The following REXO5 variants were observed in gnomAD, a reference collection of about 807,000 sequenced individuals.
The protein encoded by REXO5 is exonuclease NEF-sp.
A neutral mutation model predicts 88.5 loss-of-function variants in REXO5; 48 were observed. That is an observed-to-expected ratio of 0.54 (90% CI 0.43 to 0.69). The LOEUF (loss-of-function observed/expected upper bound fraction) is 0.69. Among genes scored for constraint, REXO5 ranks in the 30% least tolerant of loss-of-function variants. The probability of loss-of-function intolerance (pLI) is 0.00; values close to 1 mark genes in which losing one functional copy is unlikely to be tolerated. For missense variants in REXO5, 749 were observed against 912.2 expected (o/e 0.82, Z 2.30); for synonymous variants, 311 against 336.5 (o/e 0.92, Z 0.83).
At chr16:20,836,058 G>C (rs933175701) in intron 13 of REXO5, among the ~76,000 whole-genome samples, 2 of 151,974 alleles carry the variant, frequency 1.3e-5, no homozygotes, top group African/African-American at 4.8e-5. Context: ...AAAGTACAGA[G>C]AGTTCCCATT....
intron 5 of REXO5, among the ~76,000 whole-genome samples, chr16:20,819,295 C>T (rs924085100): frequency 6.6e-6 from 1 of 151,964 alleles, no homozygotes; most frequent in Non-Finnish European, 1.5e-5. Flanking sequence ...TATTTCTGCC[C>T]CTAGCAGATG....
Position 20,833,120 on chromosome 16 carries a change from A to C in REXO5, c.1380A>C (p.Lys460Asn). ...AAACTATTAAGTGTCTTTCAAATAA[A>C]GAGGTGAGTGGCCTGCTGAACCTTT... ...NCQTIKCLSN[K>N]EVLEQARVEI... Residue 460 changes from lysine to asparagine, a missense_variant, in exon 13 of 20, where the codon AAA becomes AAC. Physicochemically the swap from Lys to Asn is moderately conservative, Grantham distance 94. Transcript: ENST00000261377. The C allele has an allele frequency of 6.2e-7, 1 of 1,613,144 alleles. No homozygotes were observed. The highest frequency in any genetic ancestry group is 8.5e-7 in the Non-Finnish European group (1 of 1,179,282).
intron 6 of REXO5, 113 bp from the exon 7 acceptor site, chr16:20,824,326 T>C (rs2081229215): frequency 4.8e-6 from 3 of 619,056 alleles, no homozygotes; most frequent in South Asian, 2.0e-5. Context: ...GTGTCTAACA[T>C]ACCAACATAT....
Position 20,844,165 on chromosome 16 carries a change from T to C in REXO5, c.1719+139T>C, listed in dbSNP as rs567539278. The C allele has an allele frequency of 9.8e-6, 6 of 609,362 alleles. No homozygotes were observed. In the South Asian group the frequency reaches 1.2e-4, roughly 12 times the overall value. The allele number at this position is 609,362 out of a possible 1,614,324, so 37.7% of individuals were successfully genotyped here. On this transcript the variant is annotated intron_variant, in intron 16 of 19. Coordinates refer to ENST00000261377, the MANE Select transcript of REXO5 (RefSeq NM_030941.3). ...GTTATGGAAAGTCTTCAGCCAAGTC[T>C]AACATTCTCCTACTGGCAGTGATTG... is the stretch of plus-strand genomic sequence containing the variant.
chr16:20,829,563 T>C (rs1301637291), intron 11 of REXO5, among the ~76,000 whole-genome samples: 1 of 152,158 alleles, frequency 6.6e-6, no homozygotes, highest in Non-Finnish European at 1.5e-5. Flanking sequence ...GCCAGAATAG[T>C]CTTTTGTGTC....
chr16:20,813,266 A>G lies in REXO5; in HGVS notation c.215A>G (p.Tyr72Cys), dbSNP rs1165623793. The change falls in exon 3 of 20, where the codon TAT becomes TGT. Residue 72 changes from tyrosine to cysteine, a missense_variant. Coordinates refer to ENST00000261377, the MANE Select transcript of REXO5 (RefSeq NM_030941.3). ...GACCAGCTGTGTGAATTGCTGAAGT[A>G]TGCAGTTCTGGGCAAATCCAATGTT... ...THDQLCELLK[Y>C]AVLGKSNVPK... 2.5e-6 allele frequency: 4 copies of G among 1,611,902 alleles called. No homozygotes were observed. The highest frequency in any genetic ancestry group is 3.4e-6 in the Non-Finnish European group (4 of 1,178,916).
In REXO5 at chr16:20,816,171, AAACTG is replaced by A; in HGVS notation, c.438_442del (p.Glu147LysfsTer16). On this transcript the variant is annotated frameshift_variant, in exon 5 of 20. Coordinates refer to ENST00000261377, the MANE Select transcript of REXO5 (RefSeq NM_030941.3). LOFTEE classifies it high-confidence loss of function. ...TTTCTAGCTGATGTTGTTGGGCTAC[AAACTG>A]AACAAAGAGCTGGAGATCTGCCCAA... 1 of 1,614,146 alleles carries A rather than the reference AAACTG, an allele frequency of 6.2e-7. No homozygotes were observed. Among genetic ancestry groups the A allele is most frequent in the South Asian group, 1.1e-5 (1 of 91,076 alleles).
chr16:20,836,253 A>G (rs1319590745), intron 13 of REXO5, among the ~76,000 whole-genome samples: 1 of 152,204 alleles, frequency 6.6e-6, no homozygotes, highest in Non-Finnish European at 1.5e-5. Flanking sequence ...ATAGTATCAT[A>G]CAGAATAGTT....
At chr16:20,834,145 T>A (rs1467166672) in intron 13 of REXO5, among the ~76,000 whole-genome samples, 3 of 152,212 alleles carry the variant, frequency 2.0e-5, no homozygotes, top group Non-Finnish European at 4.4e-5. Context: ...ATGATTAAAT[T>A]CAGATTATGC....
At chr16:20,832,067 T>A (rs768745402) in intron 11 of REXO5, 89 bp from the exon 12 acceptor site, 12 of 915,380 alleles carry the variant, frequency 1.3e-5, no homozygotes, top group Non-Finnish European at 1.9e-5. Flanking sequence ...ATTTTTTGCT[T>A]TTTGTTGTTG....
intron 6 of REXO5, among the ~76,000 whole-genome samples, chr16:20,823,973 C>T (rs1406019751): frequency 6.6e-6 from 1 of 152,168 alleles, no homozygotes; most frequent in Non-Finnish European, 1.5e-5. Flanking sequence ...AAACTTTCTT[C>T]CTACTATGAA....
chr16:20,848,184 T>G (rs1317417429), intron 19 of REXO5, among the ~76,000 whole-genome samples: 1 of 152,192 alleles, frequency 6.6e-6, no homozygotes, highest in Admixed American at 6.5e-5. Context: ...GACTGACTTC[T>G]CTGGGCCTTG....
In REXO5 at chr16:20,816,214, T is replaced by C. The variant is rs761279433; in HGVS notation, c.475+2T>C. 1.9e-5 allele frequency: 31 copies of C among 1,607,546 alleles called. No homozygotes were observed. In the East Asian group the frequency reaches 6.9e-4, roughly 36 times the overall value. Reference sequence around the variant, plus strand: ...GAGATCTGCCCAAGACAATGGAAGGTATAGCTATGATGCTGGTTTGATGCT... The same window carrying C: ...GAGATCTGCCCAAGACAATGGAAGGCATAGCTATGATGCTGGTTTGATGCT... On this transcript the variant is annotated splice_donor_variant, in intron 5 of 19. Coordinates refer to ENST00000261377, the MANE Select transcript of REXO5 (RefSeq NM_030941.3). LOFTEE classifies it high-confidence loss of function.
intron 3 of REXO5, among the ~76,000 whole-genome samples, chr16:20,813,688 C>T (rs530526467): frequency 2.0e-5 from 3 of 152,194 alleles, no homozygotes; most frequent in South Asian, 2.1e-4. Flanking sequence ...GTTTGTTTCC[C>T]GTGTTGCAGA....
At chr16:20,823,906 T>C (rs940481261) in intron 6 of REXO5, among the ~76,000 whole-genome samples, 1 of 152,184 alleles carries the variant, frequency 6.6e-6, no homozygotes, top group African/African-American at 2.4e-5. Flanking sequence ...AATAGGTGTT[T>C]CAGAGGAATC....
Position 20,828,458 on chromosome 16 carries a change from G to A in REXO5, c.1079G>A (p.Arg360Lys). 2.5e-6 allele frequency: 4 copies of A among 1,613,622 alleles called. No individual in the cohort carries two copies. The highest frequency in any genetic ancestry group is 3.4e-6 in the Non-Finnish European group (4 of 1,179,596). The part of the protein sequence containing the change: ...ILGKDIQCPD[R>K]LGHDATEDAR... The stretch of plus-strand genomic sequence containing the variant: ...AGGAAGGATATACAGTGTCCAGACA[G>A]ACTTGGTCATGATGCCACAGAAGAT... The change falls in exon 11 of 20, where the codon AGA becomes AAA. Residue 360 changes from arginine to lysine, a missense_variant. Physicochemically the swap from Arg to Lys is conservative, Grantham distance 26 (BLOSUM62 2). Coordinates refer to ENST00000261377, the MANE Select transcript of REXO5 (RefSeq NM_030941.3).
At chr16:20,835,464 C>T (rs758469658) in intron 13 of REXO5, among the ~76,000 whole-genome samples, 45 of 152,224 alleles carry the variant, frequency 3.0e-4, no homozygotes, top group South Asian at 4.1e-4. Context: ...GCGATTGTTT[C>T]CTCTAATCCT....
At chr16:20,847,077 A>G (rs1003603105) in intron 19 of REXO5, among the ~76,000 whole-genome samples, 6 of 152,138 alleles carry the variant, frequency 3.9e-5, no homozygotes, top group Non-Finnish European at 2.9e-5. Flanking sequence ...GAACAGTGTG[A>G]AAACCTTGGG....
chr16:20,819,851 A>G (rs547143275), intron 5 of REXO5, among the ~76,000 whole-genome samples: 1 of 152,050 alleles, frequency 6.6e-6, no homozygotes, highest in South Asian at 2.1e-4. Context: ...TCAAACTCCT[A>G]CATTCAAGCG....
Sources: allele counts gnomAD v4.1 joint callset (sites outside exome capture counted in the v4.1 genomes callset), GRCh38; gene constraint gnomAD v4.1.1; transcripts MANE v1.5; gene names NCBI Gene and HGNC (gene_info 2026-07-23, HGNC 2026-07-21).